Variants in DAOA observed in about 807,000 individuals in gnomAD.
DAOA encodes D-amino acid oxidase regulator.
In DAOA, 15 loss-of-function variants were observed where a neutral mutation model predicts 16.4. The ratio of observed to expected loss-of-function variants is 0.91; its 90% confidence interval spans 0.61 to 1.41. The LOEUF (loss-of-function observed/expected upper bound fraction) is 1.41, where lower values mean the gene tolerates loss of function less well. Among genes scored for constraint, DAOA ranks in the 40% most tolerant of loss-of-function variants. DAOA has a pLI of 0.00. For missense variants in DAOA, 230 were observed against 176.8 expected, an observed-to-expected ratio of 1.30 and a Z score of -1.71; for synonymous variants, 75 against 59.1, an observed-to-expected ratio of 1.27 and a Z score of -1.23.
At chr13:105,480,290 G>A (rs1353821859) in intron 4 of DAOA, among the ~76,000 whole-genome samples, 2 of 152,008 alleles carry the variant, frequency 1.3e-5, no homozygotes, top group Non-Finnish European at 2.9e-5. Flanking sequence ...GTAGTGAAAT[G>A]AGCTGTGTGA....
intron 4 of DAOA, among the ~76,000 whole-genome samples, chr13:105,477,683 C>T (rs1877432971): frequency 6.6e-6 from 1 of 152,212 alleles, no homozygotes; most frequent in African/African-American, 2.4e-5. Flanking sequence ...GAGATCACAG[C>T]ACTGCAGTCC....
rs1229371567 is a variant in DAOA, at chr13:105,472,542, G to A, written c.138G>A (p.Lys46=). ...TCCACTTAAATACTGTTGCAGCAAA[G>A]GAGACAGAAGAAGGAAGAGAGACGG... ...KSENSLNSIA[K]ETEEGRETVT... Residue 46 remains lysine, a synonymous_variant, in exon 4 of 6, where the codon AAG becomes AAA. Coordinates refer to ENST00000375936, the MANE Select transcript of DAOA (RefSeq NM_172370.5). 2 of 1,613,326 alleles carry A rather than the reference G, an allele frequency of 1.2e-6. No homozygotes were observed. The highest frequency in any genetic ancestry group is 2.2e-5 in the East Asian group (1 of 44,822).
intron 4 of DAOA, among the ~76,000 whole-genome samples, chr13:105,480,534 A>AGAT (rs1203237019): frequency 8.1e-6 from 1 of 123,340 alleles, no homozygotes; most frequent in Non-Finnish European, 1.7e-5. Flanking sequence ...ATACATAGAT[A>AGAT]GATAGATAGA....
At chr13:105,466,884 C>A in intron 2 of DAOA, 169 bp from the exon 3 acceptor site, 1 of 916,128 alleles carries the variant, frequency 1.1e-6, no homozygotes, top group Non-Finnish European at 1.4e-6. Context: ...TCAATATCTT[C>A]ATCTATAAAA....
At position 105,467,207 on chromosome 13, in the gene DAOA, G is replaced by T. The variant is rs569518175; in HGVS notation, c.133+66G>T. On this transcript the variant is annotated intron_variant, in intron 3 of 5. Transcript: ENST00000375936. ...AGAAGTTAGATAAAACTGTGGTAAA[G>T]CTACATAATACTTTTGACATATTTT... 1.1e-5 allele frequency: 16 copies of T among 1,457,252 alleles called. No homozygotes were observed. In the East Asian group the frequency reaches 3.5e-4, roughly 32 times the overall value. The allele number at this position is 1,457,252 out of a possible 1,614,324, so 90.3% of individuals were successfully genotyped here.
chr13:105,480,238 C>G (rs1418948379), intron 4 of DAOA, among the ~76,000 whole-genome samples: 4 of 152,054 alleles, frequency 2.6e-5, no homozygotes, highest in African/African-American at 9.7e-5. Context: ...CTTTTGGAGG[C>G]TGTCATTTTC....
At chr13:105,475,590 G>A (rs1877273413) in intron 4 of DAOA, among the ~76,000 whole-genome samples, 1 of 152,116 alleles carries the variant, frequency 6.6e-6, no homozygotes, top group South Asian at 2.1e-4. Flanking sequence ...AACAAAGTAA[G>A]TTTTCATTCC....
intron 5 of DAOA, chr13:105,490,672 T>C (rs1236815716): frequency 6.6e-6 from 1 of 152,124 alleles, no homozygotes; most frequent in Admixed American, 6.6e-5. Flanking sequence ...TTCTATAAAT[T>C]CCTCTGGAAA....
chr13:105,466,246 T>C lies in DAOA; in HGVS notation c.-43T>C, dbSNP rs758333935. On this transcript the variant is annotated 5_prime_UTR_variant, in exon 2 of 6. Transcript: ENST00000375936. ...GGAAAGGGCATGGCAGGAGGTCTCA[T>C]CTCTGCTTCACAATGCCGATGATTT... The C allele has an allele frequency of 1.2e-6, 2 of 1,613,550 alleles. No individual in the cohort carries two copies. The highest frequency in any genetic ancestry group is 1.7e-5 in the Admixed American group (1 of 59,978).
At chr13:105,482,700 G>T (rs1241030403) in intron 4 of DAOA, among the ~76,000 whole-genome samples, 3 of 151,826 alleles carry the variant, frequency 2.0e-5, no homozygotes, top group Non-Finnish European at 2.9e-5. Context: ...TAGAGACAGG[G>T]TTTCACCATG....
In DAOA at chr13:105,466,958, A is replaced by G. The variant is rs192348260; in HGVS notation, c.45-95A>G. ...TAAAAATATGAAAGTGCTAAACCAT[A>G]CATGTTATATGCTCCATTGATGTTG... On this transcript the variant is annotated intron_variant, in intron 2 of 5. Transcript: ENST00000375936. 16 of 1,433,062 alleles carry G rather than the reference A, an allele frequency of 1.1e-5. No homozygotes were observed. The South Asian group carries it at 2.2e-4, about 20-fold the overall frequency. 88.8% of individuals were successfully genotyped at this position (1,433,062 alleles called of 1,614,324 possible).
chr13:105,476,788 G>T (rs1877371583), intron 4 of DAOA, among the ~76,000 whole-genome samples: 1 of 150,970 alleles, frequency 6.6e-6, no homozygotes, highest in South Asian at 2.1e-4. Context: ...AAACGTTTGA[G>T]TCTCAGCACG....
At chr13:105,468,458 C>G (rs1276205495) in intron 3 of DAOA, among the ~76,000 whole-genome samples, 1 of 152,170 alleles carries the variant, frequency 6.6e-6, no homozygotes, top group African/African-American at 2.4e-5. Context: ...CTTTTAATTT[C>G]TGACCAAGAT....
intron 4 of DAOA, among the ~76,000 whole-genome samples, chr13:105,478,965 T>C (rs918009575): frequency 1.3e-5 from 2 of 152,234 alleles, no homozygotes; most frequent in African/African-American, 4.8e-5. Context: ...ATTGATTATC[T>C]CATCAATTCA....
At chr13:105,477,301 C>T (rs72549488) in intron 4 of DAOA, 1 of 152,288 alleles carries the variant, frequency 6.6e-6, no homozygotes, top group South Asian at 2.1e-4. Context: ...GATAGAGTTT[C>T]TACTCTCCCT....
rs72549477 is a variant in DAOA at position 105,472,566 on chromosome 13, G to T, written c.162G>T (p.Thr54=). The change falls in exon 4 of 6, where the codon ACG becomes ACT. Residue 54 remains threonine (T), a synonymous_variant. Transcript: ENST00000375936. ...AGGAGACAGAAGAAGGAAGAGAGAC[G>T]GTAACAAGGAAAGAAGGATGGAAGA... The part of the protein sequence containing the change: ...IAKETEEGRE[T]VTRKEGWKRR... 48 of 1,613,778 alleles carry T rather than the reference G, an allele frequency of 3.0e-5. No homozygotes were observed. Among genetic ancestry groups the T allele is most frequent in the Non-Finnish European group, 3.8e-5 (45 of 1,179,900 alleles).
At chr13:105,472,112 C>T (rs1876997292) in intron 3 of DAOA, among the ~76,000 whole-genome samples, 1 of 152,196 alleles carries the variant, frequency 6.6e-6, no homozygotes. Flanking sequence ...CCAACAGTCA[C>T]ACAGGGAAGG....
intron 3 of DAOA, among the ~76,000 whole-genome samples, chr13:105,470,872 G>A (rs558782389): frequency 6.6e-6 from 1 of 151,986 alleles, no homozygotes; most frequent in Admixed American, 6.6e-5. Context: ...CTCACTGCAA[G>A]CTCCGCCTCC....
chr13:105,489,834 C>T (rs1797766658), intron 4 of DAOA, 67 bp from the exon 5 acceptor site: 1 of 1,613,486 alleles, frequency 6.2e-7, no homozygotes, highest in Non-Finnish European at 8.5e-7. Flanking sequence ...AAGGTGATGA[C>T]ACTTGACTCC....
Sources: allele counts gnomAD v4.1 joint callset (sites outside exome capture counted in the v4.1 genomes callset), GRCh38; gene constraint gnomAD v4.1.1; transcripts MANE v1.5; gene names NCBI Gene and HGNC (gene_info 2026-07-23, HGNC 2026-07-21).